Variants in PCDHA9 observed in about 807,000 individuals in gnomAD.
The protein encoded by PCDHA9 is protocadherin alpha-9.
Under a neutral mutation model 62.0 loss-of-function variants are expected in PCDHA9, and 62 were observed. The observed-to-expected ratio is 1.00, with a 90% CI of 0.81 to 1.23. The LOEUF is 1.23. Ranked by LOEUF, PCDHA9 falls within the 50% of genes most tolerant of loss-of-function variation. The pLI, the probability that PCDHA9 is intolerant of heterozygous loss-of-function variation, is 0.00. For missense variants in PCDHA9, 1,205 were observed against 1,249.8 expected, an observed-to-expected ratio of 0.96 and a Z score of 0.54; for synonymous variants, 557 against 567.6, an observed-to-expected ratio of 0.98 and a Z score of 0.27.
chr5:140,886,827 GAA>G (rs782016620), intron 1 of PCDHA9, among the ~76,000 whole-genome samples: 14 of 60,910 alleles, frequency 2.3e-4, no homozygotes, highest in Non-Finnish European at 3.3e-4. Context: ...ACTTCGTCTT[GAA>G]AAAAAAAAAA....
At chr5:140,887,256 C>T (rs1554182988) in intron 1 of PCDHA9, among the ~76,000 whole-genome samples, 1 of 152,002 alleles carries the variant, frequency 6.6e-6, no homozygotes, top group African/African-American at 2.4e-5. Context: ...GCCACCACGC[C>T]CTGCTAATTT....
chr5:140,882,490 T>C, intron 1 of PCDHA9: 1 of 1,614,024 alleles, frequency 6.2e-7, no homozygotes, highest in Non-Finnish European at 8.5e-7. Context: ...ACGGGGACCT[T>C]CTGGAGGTAA....
At chr5:140,983,882 A>G (rs1203287819) in intron 3 of PCDHA9, among the ~76,000 whole-genome samples, 2 of 152,224 alleles carry the variant, frequency 1.3e-5, no homozygotes, top group East Asian at 3.8e-4. Flanking sequence ...TTTACTGGCA[A>G]CTTTAAGGGC....
At chr5:140,892,405 T>C (rs1224393895) in intron 1 of PCDHA9, among the ~76,000 whole-genome samples, 2 of 152,206 alleles carry the variant, frequency 1.3e-5, no homozygotes, top group African/African-American at 2.4e-5. Context: ...ATTTCAAGCT[T>C]CAGGTATTCT....
At chr5:140,858,080 T>C in intron 1 of PCDHA9, 1 of 1,597,738 alleles carries the variant, frequency 6.3e-7, no homozygotes, top group Non-Finnish European at 8.6e-7. Flanking sequence ...ACCCAAGGCC[T>C]CGTCGCGGGC....
At chr5:140,900,489 C>G (rs1429058590) in intron 1 of PCDHA9, among the ~76,000 whole-genome samples, 8 of 152,196 alleles carry the variant, frequency 5.3e-5, no homozygotes, top group African/African-American at 1.7e-4. Context: ...GTTGGTCAGA[C>G]TGGTCTCAAA....
chr5:140,971,487 C>G (rs1285006281), intron 1 of PCDHA9, among the ~76,000 whole-genome samples: 1 of 152,110 alleles, frequency 6.6e-6, no homozygotes, highest in African/African-American at 2.4e-5. Flanking sequence ...CACATTGTTA[C>G]AGTGTGGCAA....
intron 1 of PCDHA9, chr5:140,929,538 A>C: frequency 3.3e-6 from 2 of 603,382 alleles, no homozygotes; most frequent in Non-Finnish European, 5.1e-6. Context: ...TTGAGAAACA[A>C]GGGCAAAAAT....
chr5:141,005,333 A>T (rs1554260005), intron 3 of PCDHA9, among the ~76,000 whole-genome samples: 1 of 152,224 alleles, frequency 6.6e-6, no homozygotes, highest in Non-Finnish European at 1.5e-5. Flanking sequence ...TAATAGGCCA[A>T]GGGGGTGCTG....
intron 1 of PCDHA9, among the ~76,000 whole-genome samples, chr5:140,954,551 T>C (rs2095055563): frequency 6.6e-6 from 1 of 152,250 alleles, no homozygotes; most frequent in South Asian, 2.1e-4. Context: ...ATATGTTTGT[T>C]GGCTGCATGA....
chr5:140,977,232 A>G (rs2096751038), intron 1 of PCDHA9, among the ~76,000 whole-genome samples: 1 of 152,368 alleles, frequency 6.6e-6, no homozygotes, highest in East Asian at 1.9e-4. Flanking sequence ...ACCCAATCAT[A>G]GAAAAATTGG....
chr5:140,913,898 CTTTT>C (rs1351691139), intron 1 of PCDHA9, among the ~76,000 whole-genome samples: 2 of 152,020 alleles, frequency 1.3e-5, no homozygotes, highest in African/African-American at 4.8e-5. Flanking sequence ...CAAAATTCCC[CTTTT>C]TTATTTCTAA....
In PCDHA9 at chr5:140,853,628, A is replaced by G. The variant is rs782528140; in HGVS notation, c.2394+2739A>G. ...GGGGTGCTGTAAATAAGTATACAAG[A>G]TCACAGACCTAAATTGAGCCTGTTC... On this transcript the variant is annotated intron_variant, in intron 1 of 3. Transcript: ENST00000532602. The G allele has an allele frequency of 2.2e-5, 22 of 988,404 alleles. 3 individuals are homozygous for G. The highest frequency in any genetic ancestry group is 2.6e-5 in the Non-Finnish European group (21 of 820,488). The allele number at this position is 988,404 out of a possible 1,614,324, so 61.2% of individuals were successfully genotyped here.
intron 3 of PCDHA9, among the ~76,000 whole-genome samples, chr5:141,006,816 G>C (rs1554260932): frequency 6.6e-6 from 1 of 152,082 alleles, no homozygotes; most frequent in African/African-American, 2.4e-5. Flanking sequence ...TGAGAAATGG[G>C]GTAAATGGGG....
chr5:140,848,688 C>T lies in PCDHA9; in HGVS notation c.193C>T (p.Gln65Ter). The change falls in exon 1 of 4, where the codon CAG becomes TAG. Residue 65 changes from glutamine to a stop codon, truncating the protein, a stop_gained. Transcript: ENST00000532602. LOFTEE classifies it high-confidence loss of function. ...GGCGGAGCTGGTGCCGCGCCTGTTC[C>T]AGTTGGATTCCAAAGGCCGCGGGGA... ...ELAELVPRLF[Q>*]LDSKGRGDLL... is the part of the protein sequence containing the mutation. 6.3e-7 allele frequency: 1 copy of T among 1,592,412 alleles called. No individual in the cohort carries two copies.
intron 1 of PCDHA9, among the ~76,000 whole-genome samples, chr5:140,889,040 A>G (rs1313734637): frequency 4.6e-5 from 7 of 152,094 alleles, no homozygotes; most frequent in African/African-American, 1.4e-4. Context: ...TAATTTGATT[A>G]TAATTTATAA....
At chr5:140,935,402 A>T (rs1297077002) in intron 1 of PCDHA9, among the ~76,000 whole-genome samples, 2 of 152,212 alleles carry the variant, frequency 1.3e-5, no homozygotes, top group Non-Finnish European at 2.9e-5. Flanking sequence ...ACGGGACTCA[A>T]ACAATGGACT....
At chr5:140,890,995 AATTATTG>A (rs2062893933) in intron 1 of PCDHA9, among the ~76,000 whole-genome samples, 1 of 152,138 alleles carries the variant, frequency 6.6e-6, no homozygotes, top group Non-Finnish European at 1.5e-5. Context: ...ATTTCATCAT[AATTATTG>A]AAAAGCATTT....
chr5:140,851,653 A>T, intron 1 of PCDHA9: 1 of 911,134 alleles, frequency 1.1e-6, no homozygotes. Context: ...TCAAGAAGAC[A>T]TTCTCCTTTT....
Sources: allele counts gnomAD v4.1 joint callset (sites outside exome capture counted in the v4.1 genomes callset), GRCh38; gene constraint gnomAD v4.1.1; transcripts MANE v1.5; gene names NCBI Gene and HGNC (gene_info 2026-07-23, HGNC 2026-07-21).